SSBP3: variants seen among roughly 807,000 people sequenced by gnomAD.
SSBP3 encodes the protein single-stranded DNA-binding protein 3.
SSBP3 carries 5 observed loss-of-function variants against 69.6 expected under a neutral mutation model. The observed-to-expected ratio is 0.07, with a 90% confidence interval of 0.04 to 0.15. The LOEUF (loss-of-function observed/expected upper bound fraction) is 0.15. SSBP3 is among the 10% of genes least tolerant of loss of function. The pLI, the probability that SSBP3 is intolerant of heterozygous loss-of-function variation, is 1.00. For synonymous variants in SSBP3, 196 were observed against 193.4 expected (o/e 1.01, Z -0.11); for missense variants, 312 against 534.0 (o/e 0.58, Z 4.10).
intron 4 of SSBP3, among the ~76,000 whole-genome samples, chr1:54,383,491 GCA>G (rs1391553844): frequency 3.9e-5 from 6 of 152,124 alleles, no homozygotes; most frequent in Non-Finnish European, 5.9e-5. Flanking sequence ...AAGCAACCCT[GCA>G]CACAGAGACC....
At chr1:54,257,710 T>A (rs1426490304) in intron 6 of SSBP3, among the ~76,000 whole-genome samples, 5 of 152,022 alleles carry the variant, frequency 3.3e-5, no homozygotes, top group Non-Finnish European at 1.5e-5. Context: ...GAAAGCTTTC[T>A]CAGCAGCACG....
intron 4 of SSBP3, among the ~76,000 whole-genome samples, chr1:54,360,413 C>A (rs1466999639): frequency 3.3e-5 from 5 of 152,230 alleles, no homozygotes; most frequent in African/African-American, 9.6e-5. Flanking sequence ...CAAACAAATT[C>A]TCTGTCCAAT....
At chr1:54,226,678 T>C (rs936970613) in exon 18 of SSBP3, 1 of 152,990 alleles carries the variant, frequency 6.5e-6, no homozygotes, top group East Asian at 1.9e-4. Flanking sequence ...TTTTTTTTTT[T>C]TTTTAAGAAG....
intron 4 of SSBP3, among the ~76,000 whole-genome samples, chr1:54,314,862 G>A (rs769860004): frequency 6.6e-6 from 1 of 152,132 alleles, no homozygotes; most frequent in African/African-American, 2.4e-5. Context: ...GGGTACAGAC[G>A]CTGGACAGGG....
chr1:54,260,857 C>T (rs1418010158), intron 5 of SSBP3, among the ~76,000 whole-genome samples: 1 of 152,350 alleles, frequency 6.6e-6, no homozygotes, highest in East Asian at 1.9e-4. Flanking sequence ...TTGGCCCAGG[C>T]CTGCCAGTCA....
In SSBP3 at chr1:54,305,272, G is replaced by GT. The variant is rs2100218345; in HGVS notation, c.277-23746_277-23745insA. 1.3e-5 allele frequency among the ~76,000 whole-genome samples: 2 copies of GT among 152,288 alleles called. 1 individual carries two copies. The highest frequency in any genetic ancestry group is 4.1e-4 in the South Asian group (2 of 4,820). On this transcript the variant is annotated intron_variant, in intron 4 of 17. Coordinates refer to ENST00000610401, the Ensembl canonical transcript of SSBP3. ...GTTTCTCAGCACAGACCCAGGCCCT[G>GT]CCCTTCCCAATATCACTGGTCCTCC...
chr1:54,382,267 G>T (rs1231856140), intron 4 of SSBP3, among the ~76,000 whole-genome samples: 1 of 152,190 alleles, frequency 6.6e-6, no homozygotes, highest in Non-Finnish European at 1.5e-5. Flanking sequence ...TACAGACAGG[G>T]TCTCACTATG....
chr1:54,253,083 G>T (rs1231468975), intron 7 of SSBP3, among the ~76,000 whole-genome samples: 1 of 152,108 alleles, frequency 6.6e-6, no homozygotes, highest in Non-Finnish European at 1.5e-5. Flanking sequence ...ATGGAACAGG[G>T]GAGCGGGTAT....
intron 5 of SSBP3, among the ~76,000 whole-genome samples, chr1:54,273,272 G>T (rs1329647941): frequency 6.6e-6 from 1 of 152,230 alleles, no homozygotes; most frequent in African/African-American, 2.4e-5. Context: ...TTTTCAGAGG[G>T]GGAGGGAGAG....
chr1:54,274,210 G>A (rs1645245436), intron 5 of SSBP3, among the ~76,000 whole-genome samples: 1 of 152,174 alleles, frequency 6.6e-6, no homozygotes, highest in South Asian at 2.1e-4. Flanking sequence ...CAGTTATCAA[G>A]AAGCTGCGGA....
At chr1:54,353,587 T>C (rs1646817640) in intron 4 of SSBP3, among the ~76,000 whole-genome samples, 1 of 152,174 alleles carries the variant, frequency 6.6e-6, no homozygotes, top group Admixed American at 6.5e-5. Flanking sequence ...GTGACCCAGG[T>C]GCATTGTCAG....
intron 4 of SSBP3, among the ~76,000 whole-genome samples, chr1:54,318,882 C>T (rs1035251688): frequency 1.3e-5 from 2 of 152,202 alleles, no homozygotes; most frequent in Non-Finnish European, 2.9e-5. Flanking sequence ...GGGAAGGGGT[C>T]GTCCTTTCCC....
rs74675060 is a variant in SSBP3 at position 54,230,800 on chromosome 1, G to A, written c.928-1974C>T. On this transcript the variant is annotated intron_variant, in intron 14 of 17. Transcript: ENST00000610401. ...TTTTGTGGCTGGTTTCTTTCACTTA[G>A]CATGTTTTCAAGGTTCATCAGTGTT... 2.9e-3 allele frequency among the ~76,000 whole-genome samples: 442 copies of A among 152,258 alleles called. 2 individuals are homozygous for A. The highest frequency in any genetic ancestry group is 9.9e-3 in the African/African-American group (410 of 41,530).
At chr1:54,284,797 C>T (rs754754654) in intron 4 of SSBP3, among the ~76,000 whole-genome samples, 1 of 152,104 alleles carries the variant, frequency 6.6e-6, no homozygotes, top group Non-Finnish European at 1.5e-5. Context: ...AAAACTTGAA[C>T]CTACAAGTAC....
At chr1:54,405,765 C>T (rs1368678756) in intron 1 of SSBP3, among the ~76,000 whole-genome samples, 188 bp downstream of exon 1, 2 of 150,782 alleles carry the variant, frequency 1.3e-5, no homozygotes, top group African/African-American at 2.4e-5. Flanking sequence ...TCCGCCGGCT[C>T]CCAACAATGG....
chr1:54,395,636 C>G (rs1648810570), intron 4 of SSBP3, among the ~76,000 whole-genome samples: 1 of 152,116 alleles, frequency 6.6e-6, no homozygotes, highest in South Asian at 2.1e-4. Flanking sequence ...TACTATATTA[C>G]TTAACCCTCA....
intron 4 of SSBP3, among the ~76,000 whole-genome samples, chr1:54,381,619 G>A (rs946044328): frequency 3.3e-5 from 5 of 152,224 alleles, no homozygotes; most frequent in East Asian, 1.9e-4. Context: ...GCACCTTGCC[G>A]AGGCCCTCAA....
intron 4 of SSBP3, among the ~76,000 whole-genome samples, chr1:54,335,194 C>T (rs537390208): frequency 6.6e-6 from 1 of 152,222 alleles, no homozygotes; most frequent in Admixed American, 6.5e-5. Flanking sequence ...CAAAGCACTA[C>T]GCTTTCAAAA....
At position 54,273,655 on chromosome 1, in the gene SSBP3, C is replaced by T. The variant is rs575475271; in HGVS notation, c.366+7783G>A. 4.6e-5 allele frequency among the ~76,000 whole-genome samples: 7 copies of T among 152,306 alleles called. No homozygotes were observed. In the South Asian group the frequency reaches 1.0e-3, roughly 23 times the overall value. Reference sequence around the variant, plus strand: ...GAGATTGTGGAGGGCAGGACCAGCCCGGACCCATGTGCTTCCAAGTGGCCA... The same window carrying T: ...GAGATTGTGGAGGGCAGGACCAGCCTGGACCCATGTGCTTCCAAGTGGCCA... On this transcript the variant is annotated intron_variant, in intron 5 of 17. Transcript: ENST00000610401.
Sources: allele counts gnomAD v4.1 joint callset (sites outside exome capture counted in the v4.1 genomes callset), GRCh38; gene constraint gnomAD v4.1.1; transcripts MANE v1.5; gene names NCBI Gene and HGNC (gene_info 2026-07-23, HGNC 2026-07-21).